SMYD3: variants seen among roughly 807,000 people sequenced by gnomAD.
SMYD3 encodes histone-lysine N-methyltransferase SMYD3.
Under a neutral mutation model 57.7 loss-of-function variants are expected in SMYD3, and 36 were observed. The ratio of observed to expected loss-of-function variants is 0.62; its 90% CI spans 0.48 to 0.82. SMYD3 has a LOEUF of 0.82. SMYD3 is among the 40% of genes least tolerant of loss of function. The pLI, the probability that SMYD3 is intolerant of heterozygous loss-of-function variation, is 0.00. For synonymous variants in SMYD3, 211 were observed against 195.0 expected, an observed-to-expected ratio of 1.08 and a Z score of -0.68; for missense variants, 515 against 538.8, an observed-to-expected ratio of 0.96 and a Z score of 0.44.
At position 246,170,568 on chromosome 1, in the gene SMYD3, A is replaced by C. The variant is rs375852727; in HGVS notation, c.531+156633T>G. Among the ~76,000 whole-genome samples, 7 of 152,228 alleles carry C rather than the reference A, an allele frequency of 4.6e-5. No individual in the cohort carries two copies. In the East Asian group the frequency reaches 1.4e-3, roughly 29 times the overall value. On this transcript the variant is annotated intron_variant, in intron 5 of 11. Coordinates refer to ENST00000490107, the MANE Select transcript of SMYD3 (RefSeq NM_001167740.2). ...ATTTTTGACTCGATAAATATTTCTAAATTTGCTTGTCTCAAAATATAAATC... is the reference window on the plus strand; with the variant it reads ...ATTTTTGACTCGATAAATATTTCTACATTTGCTTGTCTCAAAATATAAATC...
chr1:245,878,335 G>A (rs114800085), intron 8 of SMYD3, among the ~76,000 whole-genome samples: 2,348 of 152,244 alleles, frequency 0.015, 58 homozygotes, highest in African/African-American at 0.053. Context: ...CAGTGGACAC[G>A]GAAAGGCAGA....
chr1:245,785,229 T>A (rs1289014360), intron 10 of SMYD3, among the ~76,000 whole-genome samples: 3 of 151,966 alleles, frequency 2.0e-5, no homozygotes, highest in African/African-American at 7.2e-5. Flanking sequence ...TTACGGAGAA[T>A]GTGGAGGAGG....
chr1:245,933,890 C>T (rs2056859743), intron 5 of SMYD3, among the ~76,000 whole-genome samples: 2 of 152,166 alleles, frequency 1.3e-5, no homozygotes, highest in Non-Finnish European at 2.9e-5. Context: ...AAACTCACAA[C>T]CAATCAGAGC....
chr1:245,935,716 A>T (rs1293971468), intron 5 of SMYD3, among the ~76,000 whole-genome samples: 2 of 152,344 alleles, frequency 1.3e-5, no homozygotes, highest in East Asian at 3.9e-4. Flanking sequence ...AAAAGAAGGA[A>T]ATTCTGTCAT....
intron 5 of SMYD3, among the ~76,000 whole-genome samples, chr1:246,308,247 T>C (rs2065019744): frequency 6.6e-6 from 1 of 152,194 alleles, no homozygotes; most frequent in African/African-American, 2.4e-5. Flanking sequence ...GTCTTAATTA[T>C]CCTTATTTCT....
intron 1 of SMYD3, among the ~76,000 whole-genome samples, chr1:246,413,060 C>A (rs2067003442): frequency 6.6e-6 from 1 of 152,158 alleles, no homozygotes; most frequent in African/African-American, 2.4e-5. Flanking sequence ...CACCCTCAAC[C>A]AGTGCTAGGA....
rs571485707 is a variant in SMYD3, at chr1:245,804,512, T to C, written c.1077-40363A>G. ...GGCGGAGCTTGCATTGAGCTGAGAT[T>C]GCACCACTGCACTCCAGCCTGGGTG... On this transcript the variant is annotated intron_variant, in intron 10 of 11. Transcript: ENST00000490107. Among the ~76,000 whole-genome samples the C allele has an allele frequency of 2.6e-5, 4 of 152,142 alleles. No individual in the cohort carries two copies. In the East Asian group the frequency reaches 7.8e-4, roughly 30 times the overall value.
intron 5 of SMYD3, among the ~76,000 whole-genome samples, chr1:246,133,493 T>A (rs75552198): frequency 6.6e-6 from 1 of 152,112 alleles, no homozygotes; most frequent in Non-Finnish European, 1.5e-5. Context: ...TGATAGTATC[T>A]CATTGTTCCT....
At chr1:246,429,679 CTCAA>C (rs2067271353) in intron 1 of SMYD3, among the ~76,000 whole-genome samples, 1 of 152,236 alleles carries the variant, frequency 6.6e-6, no homozygotes, top group Non-Finnish European at 1.5e-5. Context: ...TCCTCAACCC[CTCAA>C]TCAAACACCA....
chr1:245,963,439 G>A (rs10924410), intron 5 of SMYD3, among the ~76,000 whole-genome samples: 63 of 152,130 alleles, frequency 4.1e-4, no homozygotes, highest in African/African-American at 1.3e-3. Flanking sequence ...AATTGTACTC[G>A]ACATACTGCT....
At chr1:246,429,652 G>A (rs945193516) in intron 1 of SMYD3, among the ~76,000 whole-genome samples, 1 of 152,190 alleles carries the variant, frequency 6.6e-6, no homozygotes, top group African/African-American at 2.4e-5. Context: ...AACTAAAAGA[G>A]TCGTCAGAGG....
In SMYD3 at chr1:246,263,682, C is replaced by A. The variant is rs547191197; in HGVS notation, c.531+63519G>T. Among the ~76,000 whole-genome samples, 24 of 152,222 alleles carry A rather than the reference C, an allele frequency of 1.6e-4. No individual in the cohort carries two copies. In the South Asian group the frequency reaches 4.6e-3, roughly 29 times the overall value. ...GTAAAAATGGGAAAATTACTGATTT[C>A]TTTTTGTACAATTCTATGTACCTTC... is the stretch of plus-strand genomic sequence containing the variant. On this transcript the variant is annotated intron_variant, in intron 5 of 11. Coordinates refer to ENST00000490107, the MANE Select transcript of SMYD3 (RefSeq NM_001167740.2).
intron 1 of SMYD3, among the ~76,000 whole-genome samples, chr1:246,435,735 A>G (rs2067361510): frequency 6.6e-6 from 1 of 152,140 alleles, no homozygotes; most frequent in African/African-American, 2.4e-5. Context: ...AAGAATTCCA[A>G]GAATTCCAAG....
intron 1 of SMYD3, among the ~76,000 whole-genome samples, chr1:246,478,358 C>T (rs1639510656): frequency 6.6e-6 from 1 of 152,134 alleles, no homozygotes; most frequent in Non-Finnish European, 1.5e-5. Flanking sequence ...TATATGCACA[C>T]CTGTCCTCTG....
At chr1:245,852,466 G>A (rs2051026645) in intron 10 of SMYD3, among the ~76,000 whole-genome samples, 1 of 152,168 alleles carries the variant, frequency 6.6e-6, no homozygotes, top group Admixed American at 6.5e-5. Context: ...AAGCAGAGAT[G>A]TTCTCATTTC....
At chr1:246,339,338 T>C (rs1013933611) in intron 2 of SMYD3, among the ~76,000 whole-genome samples, 10 of 152,200 alleles carry the variant, frequency 6.6e-5, no homozygotes, top group African/African-American at 2.2e-4. Flanking sequence ...AAAATACATA[T>C]TATTTTATCA....
intron 5 of SMYD3, among the ~76,000 whole-genome samples, chr1:246,046,899 A>G (rs2059976731): frequency 1.3e-5 from 2 of 151,806 alleles, no homozygotes; most frequent in African/African-American, 4.8e-5. Flanking sequence ...AATATTTTAT[A>G]AAAAGTAGCA....
At chr1:245,993,663 C>CAGACAGAT (rs1558566388) in intron 5 of SMYD3, among the ~76,000 whole-genome samples, 35 of 123,608 alleles carry the variant, frequency 2.8e-4, no homozygotes, top group South Asian at 6.0e-4. Flanking sequence ...GACAGACAGA[C>CAGACAGAT]AGATATAGAT....
In SMYD3 at chr1:246,012,839, G is replaced by A. The variant is rs544451551; in HGVS notation, c.532-82902C>T. Among the ~76,000 whole-genome samples the A allele has an allele frequency of 2.6e-4, 39 of 152,232 alleles. No individual in the cohort carries two copies. In the Middle Eastern group the frequency reaches 0.01, roughly 40 times the overall value. ...TACAAGAGAAAGGATACACTACAAG[G>A]TCCTGGGGCACACTTTGGGCAAATG... On this transcript the variant is annotated intron_variant, in intron 5 of 11. Coordinates refer to ENST00000490107, the MANE Select transcript of SMYD3 (RefSeq NM_001167740.2).
Sources: gnomAD v4.1 joint callset for allele counts (sites outside exome capture counted in the v4.1 genomes callset) on GRCh38, gnomAD v4.1.1 for gene constraint, MANE v1.5 for transcripts, NCBI Gene and HGNC (gene_info 2026-07-23, HGNC 2026-07-21) for gene names.